RASGRF2: variants seen among roughly 807,000 people sequenced by gnomAD.
The protein encoded by RASGRF2 is ras-specific guanine nucleotide-releasing factor 2.
RASGRF2 carries 76 observed loss-of-function variants against 151.0 expected under a neutral mutation model. That is an observed-to-expected ratio of 0.50 (90% CI 0.42 to 0.61). The LOEUF is 0.61. RASGRF2 is among the 20% of genes least tolerant of loss of function. RASGRF2 has a pLI of 0.00. For missense variants in RASGRF2, 1,148 were observed against 1,564.6 expected (o/e 0.73, Z 4.49); for synonymous variants, 504 against 566.5 (o/e 0.89, Z 1.57).
At chr5:81,161,957 G>T (rs1020881281) in intron 17 of RASGRF2, among the ~76,000 whole-genome samples, 4 of 149,508 alleles carry the variant, frequency 2.7e-5, no homozygotes, top group Non-Finnish European at 4.4e-5. Context: ...TGTAGTAATT[G>T]GTTCTCATTT....
At chr5:81,041,342 C>T (rs1390085807) in intron 1 of RASGRF2, among the ~76,000 whole-genome samples, 6 of 151,750 alleles carry the variant, frequency 4.0e-5, no homozygotes, top group African/African-American at 9.7e-5. Context: ...ACTGACTGAT[C>T]GTGATCTACT....
At chr5:81,099,312 G>A (rs73766189) in intron 12 of RASGRF2, among the ~76,000 whole-genome samples, 3,062 of 152,096 alleles carry the variant, frequency 0.02, 82 homozygotes, top group African/African-American at 0.058. Context: ...CTATTATTCA[G>A]CTGCATTATA....
At chr5:80,977,494 C>T (rs1445405340) in intron 1 of RASGRF2, among the ~76,000 whole-genome samples, 1 of 135,352 alleles carries the variant, frequency 7.4e-6, no homozygotes, top group African/African-American at 2.8e-5. Flanking sequence ...TGGAATTTTG[C>T]TCTTGTCCCC....
Position 81,110,812 on chromosome 5 carries a change from A to G in RASGRF2, c.1838+1734A>G, listed in dbSNP as rs79278378. Among the ~76,000 whole-genome samples the G allele has an allele frequency of 6.5e-3, 994 of 152,290 alleles. 15 individuals are homozygous for G. Among genetic ancestry groups the G allele is most frequent in the African/African-American group, 0.023 (952 of 41,538 alleles). On this transcript the variant is annotated intron_variant, in intron 13 of 26. Coordinates refer to ENST00000265080, the MANE Select transcript of RASGRF2 (RefSeq NM_006909.3). ...CGAATGAGCAAATTAAGAACCAGAA[A>G]AATAAAGTTGGTTGAGGGACACATA...
At chr5:81,122,688 G>A (rs982263863) in intron 15 of RASGRF2, among the ~76,000 whole-genome samples, 10 of 152,154 alleles carry the variant, frequency 6.6e-5, no homozygotes, top group African/African-American at 2.4e-4. Context: ...GGGAATTAAT[G>A]AAAAGCCCAA....
intron 12 of RASGRF2, among the ~76,000 whole-genome samples, chr5:81,102,822 T>A (rs988145036): frequency 6.6e-6 from 1 of 152,062 alleles, no homozygotes; most frequent in African/African-American, 2.4e-5. Flanking sequence ...ATCCCAAGCA[T>A]GCTTGCAGCC....
chr5:80,965,898 C>G (rs1747706570), intron 1 of RASGRF2, among the ~76,000 whole-genome samples: 1 of 152,086 alleles, frequency 6.6e-6, no homozygotes. Flanking sequence ...ATGCATGCCA[C>G]AGTCAGTATA....
At position 81,133,165 on chromosome 5, in the gene RASGRF2, A is replaced by G. The variant is rs897691503; in HGVS notation, c.2686+6002A>G. 2.6e-5 allele frequency among the ~76,000 whole-genome samples: 4 copies of G among 152,242 alleles called. No individual in the cohort carries two copies. The South Asian group carries it at 8.3e-4, about 32-fold the overall frequency. On this transcript the variant is annotated intron_variant, in intron 17 of 26. Coordinates refer to ENST00000265080, the MANE Select transcript of RASGRF2 (RefSeq NM_006909.3). ...ATCAATTAAATATGAACAGTTGACC[A>G]GGTGTTAATATGCACACTCTTCTGG... is the stretch of plus-strand genomic sequence containing the variant.
At chr5:81,215,509 G>T (rs1003751391) in intron 23 of RASGRF2, among the ~76,000 whole-genome samples, 2 of 152,094 alleles carry the variant, frequency 1.3e-5, no homozygotes, top group African/African-American at 4.8e-5. Flanking sequence ...GGCCTCAGGT[G>T]ATCAACCCGC....
chr5:81,077,936 T>C (rs1219147044), intron 5 of RASGRF2, among the ~76,000 whole-genome samples: 1 of 152,202 alleles, frequency 6.6e-6, no homozygotes, highest in Non-Finnish European at 1.5e-5. Flanking sequence ...TATCATATTG[T>C]TTAAATTCAG....
At chr5:80,971,017 A>T (rs1170751283) in intron 1 of RASGRF2, among the ~76,000 whole-genome samples, 2 of 152,132 alleles carry the variant, frequency 1.3e-5, no homozygotes. Context: ...ATTTTTCTTT[A>T]CTTTTTTATA....
At chr5:81,111,975 G>A (rs935211017) in intron 13 of RASGRF2, among the ~76,000 whole-genome samples, 14 of 152,160 alleles carry the variant, frequency 9.2e-5, no homozygotes, top group Admixed American at 3.3e-4. Flanking sequence ...AAGGGCATAA[G>A]CAATGCTTTC....
At chr5:81,031,563 G>A (rs940938397) in intron 1 of RASGRF2, among the ~76,000 whole-genome samples, 112 of 152,234 alleles carry the variant, frequency 7.4e-4, no homozygotes, top group Middle Eastern at 3.4e-3. Flanking sequence ...GGTACATAAC[G>A]AAATGAAGGC....
At chr5:80,980,767 T>C (rs180740939) in intron 1 of RASGRF2, among the ~76,000 whole-genome samples, 85 of 152,340 alleles carry the variant, frequency 5.6e-4, no homozygotes, top group Non-Finnish European at 9.7e-4. Context: ...CTGTGATGTT[T>C]AGATGAAACA....
At chr5:81,083,079 C>T (rs1435633994) in intron 7 of RASGRF2, among the ~76,000 whole-genome samples, 4 of 152,180 alleles carry the variant, frequency 2.6e-5, no homozygotes, top group Non-Finnish European at 5.9e-5. Context: ...TTTTTCCTTA[C>T]TAAGCTCACT....
intron 17 of RASGRF2, among the ~76,000 whole-genome samples, chr5:81,175,552 G>A (rs1236331154): frequency 1.3e-5 from 2 of 151,938 alleles, no homozygotes; most frequent in African/African-American, 4.8e-5. Context: ...TTGGGAGTTC[G>A]AGACCAGCCT....
At chr5:81,164,343 G>C (rs898401047) in intron 17 of RASGRF2, among the ~76,000 whole-genome samples, 1 of 151,836 alleles carries the variant, frequency 6.6e-6, no homozygotes, top group Admixed American at 6.6e-5. Flanking sequence ...CCTTTCCATA[G>C]GACCTCAAGT....
intron 19 of RASGRF2, among the ~76,000 whole-genome samples, 166 bp from the exon 20 acceptor site, chr5:81,206,679 T>G (rs945721481): frequency 3.3e-5 from 5 of 152,230 alleles, no homozygotes; most frequent in Non-Finnish European, 5.9e-5. Flanking sequence ...GCATGTTTTC[T>G]GTTTGGGGAT....
At chr5:81,161,311 AAGC>A (rs1580369578) in intron 17 of RASGRF2, among the ~76,000 whole-genome samples, 2 of 152,214 alleles carry the variant, frequency 1.3e-5, no homozygotes, top group Admixed American at 6.5e-5. Flanking sequence ...ATACATAGGC[AAGC>A]TCTCCTAGAG....
Sources: gnomAD v4.1 joint callset for allele counts (sites outside exome capture counted in the v4.1 genomes callset) on GRCh38, gnomAD v4.1.1 for gene constraint, MANE v1.5 for transcripts, NCBI Gene and HGNC (gene_info 2026-07-23, HGNC 2026-07-21) for gene names.